The following ARHGAP5 variants were observed in gnomAD, a reference collection of about 807,000 sequenced individuals.
ARHGAP5 encodes rho GTPase-activating protein 5.
Under a neutral mutation model 116.6 loss-of-function variants are expected in ARHGAP5, and 23 were observed. The observed-to-expected ratio is 0.20, with a 90% CI of 0.14 to 0.28. ARHGAP5 has a LOEUF of 0.28. ARHGAP5 is among the 10% of genes least tolerant of loss of function. The pLI is 1.00. For synonymous variants in ARHGAP5, 574 were observed against 602.0 expected (o/e 0.95, Z 0.68); for missense variants, 1,405 against 1,774.8 (o/e 0.79, Z 3.74).
At chr14:32,094,779 G>A (rs1036321808) in intron 2 of ARHGAP5, among the ~76,000 whole-genome samples, 2 of 152,090 alleles carry the variant, frequency 1.3e-5, no homozygotes, top group Non-Finnish European at 2.9e-5. Context: ...CAATAAAATT[G>A]TAACAGTTTA....
At chr14:32,132,329 T>G (rs1420921269) in intron 3 of ARHGAP5, among the ~76,000 whole-genome samples, 1 of 152,238 alleles carries the variant, frequency 6.6e-6, no homozygotes, top group Non-Finnish European at 1.5e-5. Flanking sequence ...ATTTCTCTGA[T>G]GGCCAGTGAT....
chr14:32,100,980 T>G (rs1174837101), intron 2 of ARHGAP5, among the ~76,000 whole-genome samples: 1 of 152,228 alleles, frequency 6.6e-6, no homozygotes, highest in Non-Finnish European at 1.5e-5. Context: ...TATTTTATTT[T>G]TAGCTTGATT....
intron 3 of ARHGAP5, among the ~76,000 whole-genome samples, chr14:32,143,637 G>A (rs545382527): frequency 6.6e-6 from 1 of 152,298 alleles, no homozygotes; most frequent in South Asian, 2.1e-4. Context: ...GGAGGTCCAG[G>A]ATGGATACTT....
intron 1 of ARHGAP5, among the ~76,000 whole-genome samples, chr14:32,087,355 A>G (rs2041839559): frequency 1.3e-5 from 2 of 152,120 alleles, no homozygotes; most frequent in Admixed American, 6.5e-5. Context: ...ACTTCATGAG[A>G]TCTTTTGTCC....
intron 1 of ARHGAP5, among the ~76,000 whole-genome samples, chr14:32,080,345 T>C (rs985289160): frequency 3.3e-5 from 5 of 150,536 alleles, no homozygotes; most frequent in African/African-American, 4.9e-5. Flanking sequence ...TATTTAAATA[T>C]AAGAAAAATA....
chr14:32,090,519 T>C lies in ARHGAP5; in HGVS notation c.-151T>C. On this transcript the variant is annotated 5_prime_UTR_variant, in exon 2 of 7. Transcript: ENST00000345122. ...CTCTATAGGAAGATGATCCCTATGA[T>C]CTTGAAGATGTTTCTGCACAGAAAT... is the stretch of plus-strand genomic sequence containing the variant. The C allele has an allele frequency of 1.5e-6, 1 of 652,528 alleles. No individual in the cohort carries two copies. The highest frequency in any genetic ancestry group is 2.6e-6 in the Non-Finnish European group (1 of 390,992). The allele number at this position is 652,528 out of a possible 1,614,324, so 40.4% of individuals were successfully genotyped here. A position where few individuals can be genotyped will look rare whatever the true frequency, so the allele number is the denominator to read the frequency against.
At chr14:32,116,995 T>G (rs1045958111) in intron 2 of ARHGAP5, 145 bp from the exon 3 acceptor site, 2 of 567,330 alleles carry the variant, frequency 3.5e-6, no homozygotes, top group Admixed American at 3.7e-5. Flanking sequence ...TGGCAAAATT[T>G]ATTTAGCGAG....
intron 3 of ARHGAP5, among the ~76,000 whole-genome samples, chr14:32,126,783 TTTTC>T (rs1244653900): frequency 1.3e-5 from 2 of 152,134 alleles, no homozygotes; most frequent in African/African-American, 4.8e-5. Flanking sequence ...ATGGATTGAT[TTTTC>T]TTTTTTTGGG....
chr14:32,134,129 C>T (rs1371249716), intron 3 of ARHGAP5, among the ~76,000 whole-genome samples: 1 of 152,178 alleles, frequency 6.6e-6, no homozygotes, highest in African/African-American at 2.4e-5. Flanking sequence ...CCACCATGAT[C>T]AAGTGGGCTT....
chr14:32,130,563 T>A (rs559747703), intron 3 of ARHGAP5, among the ~76,000 whole-genome samples: 3 of 150,740 alleles, frequency 2.0e-5, no homozygotes, highest in Non-Finnish European at 4.4e-5. Context: ...GATTTTGAGA[T>A]GGAGTCTCGC....
At chr14:32,087,966 C>G (rs2041846800) in intron 1 of ARHGAP5, among the ~76,000 whole-genome samples, 1 of 152,014 alleles carries the variant, frequency 6.6e-6, no homozygotes. Context: ...AATGCCTCCA[C>G]TCTTCATTTA....
Position 32,091,516 on chromosome 14 carries a change from G to C in ARHGAP5, c.847G>C (p.Val283Leu). The C allele has an allele frequency of 6.2e-7, 1 of 1,613,184 alleles. No individual in the cohort carries two copies. Among genetic ancestry groups the C allele is most frequent in the South Asian group, 1.1e-5 (1 of 90,878 alleles). The change falls in exon 2 of 7, where the codon GTG becomes CTG. Residue 283 changes from valine to leucine, a missense_variant. Val to Leu is a conservative substitution (Grantham distance 32, BLOSUM62 1). Around this residue, in one of 6 missense-constraint regions of ARHGAP5, gnomAD observed 944 missense variants for 1,095.3 expected, o/e 0.86. Coordinates refer to ENST00000345122, the MANE Select transcript of ARHGAP5 (RefSeq NM_001030055.2). ...TDKFEKLVQT[V>L]RDYHATWKTV... Reference sequence around the variant, plus strand: ...TAAGTTTGAAAAACTTGTGCAGACTGTGAGAGATTATCATGCAACTTGGAA... The same window carrying C: ...TAAGTTTGAAAAACTTGTGCAGACTCTGAGAGATTATCATGCAACTTGGAA...
intron 3 of ARHGAP5, among the ~76,000 whole-genome samples, chr14:32,119,510 G>A (rs190893553): frequency 8.5e-5 from 13 of 152,132 alleles, no homozygotes; most frequent in African/African-American, 2.6e-4. Flanking sequence ...AGTTTGAATC[G>A]TACAGTATGA....
At chr14:32,105,554 A>G (rs1482496385) in intron 2 of ARHGAP5, among the ~76,000 whole-genome samples, 2 of 152,046 alleles carry the variant, frequency 1.3e-5, no homozygotes, top group Admixed American at 6.5e-5. Context: ...CTGCAAAACT[A>G]TAGTACAATA....
chr14:32,117,072 T>C, intron 2 of ARHGAP5, 68 bp from the exon 3 acceptor site: 1 of 1,285,044 alleles, frequency 7.8e-7, no homozygotes, highest in Non-Finnish European at 1.1e-6. Context: ...ACCGTGTATT[T>C]ACATTGCTCA....
chr14:32,101,662 A>C (rs1484061353), intron 2 of ARHGAP5, among the ~76,000 whole-genome samples: 1 of 151,990 alleles, frequency 6.6e-6, no homozygotes, highest in Non-Finnish European at 1.5e-5. Flanking sequence ...CAAAAAAAAA[A>C]AAAAACTGGG....
rs914671057 is a variant in ARHGAP5, at chr14:32,158,889, G to A, written c.*3941G>A. On this transcript the variant is annotated 3_prime_UTR_variant, in exon 7 of 7. Coordinates refer to ENST00000345122, the MANE Select transcript of ARHGAP5 (RefSeq NM_001030055.2). The stretch of plus-strand genomic sequence containing the variant: ...ATCCAAGTACCCTGGTCTTTTTGAA[G>A]CAGTTAAAATCTAATTAATTAACTT... 1 of 151,908 alleles carries A rather than the reference G, an allele frequency of 6.6e-6. No homozygotes were observed. The highest frequency in any genetic ancestry group is 2.4e-5 in the African/African-American group (1 of 41,420). 9.4% of individuals were successfully genotyped at this position (151,908 alleles called of 1,614,324 possible).
rs1294579159 is a variant in ARHGAP5, at chr14:32,134,364, A to G, written c.3866-11899A>G. Among the ~76,000 whole-genome samples, 3 of 152,314 alleles carry G rather than the reference A, an allele frequency of 2.0e-5. No individual in the cohort carries two copies. In the East Asian group the frequency reaches 5.8e-4, roughly 29 times the overall value. ...TGGAATTTTAAGAAACTCGTTTTTG[A>G]TAAATTGAGAAAAGAAAATACTGCT... On this transcript the variant is annotated intron_variant, in intron 3 of 6. Coordinates refer to ENST00000345122, the MANE Select transcript of ARHGAP5 (RefSeq NM_001030055.2).
rs762465183 is a variant in ARHGAP5 at position 32,155,938 on chromosome 14, T to C, written c.*990T>C. 7 of 152,554 alleles carry C rather than the reference T, an allele frequency of 4.6e-5. No homozygotes were observed. The allele number at this position is 152,554 out of a possible 1,614,324, so 9.5% of individuals were successfully genotyped here. A position where few individuals can be genotyped will look rare whatever the true frequency, so the allele number is the denominator to read the frequency against. ...ACTTCAATTTAATTTGTTCCTTGAA[T>C]CTATTTTTATGTGGCCCTTAAAAAA... On this transcript the variant is annotated 3_prime_UTR_variant, in exon 7 of 7. Transcript: ENST00000345122.
Sources: allele counts gnomAD v4.1 joint callset (sites outside exome capture counted in the v4.1 genomes callset), GRCh38; gene constraint gnomAD v4.1.1; regional missense constraint gnomAD v4.1.1; transcripts MANE v1.5; gene names NCBI Gene and HGNC (gene_info 2026-07-23, HGNC 2026-07-21).